Variants in EDC3 observed in about 807,000 individuals in gnomAD.
The protein encoded by EDC3 is enhancer of mRNA decapping 3, also known as enhancer of mRNA-decapping protein 3.
Under a neutral mutation model 41.8 loss-of-function variants are expected in EDC3, and 20 were observed. That is an observed-to-expected ratio of 0.48 (90% confidence interval 0.34 to 0.70). The LOEUF is 0.70. EDC3 is among the 30% of genes least tolerant of loss of function. EDC3 has a pLI of 0.01. For missense variants in EDC3, 444 were observed against 636.8 expected (o/e 0.70, Z 3.26); for synonymous variants, 206 against 243.2 (o/e 0.85, Z 1.42).
chr15:74,660,027 G>A (rs547076804), intron 3 of EDC3, among the ~76,000 whole-genome samples: 1 of 151,456 alleles, frequency 6.6e-6, no homozygotes, highest in South Asian at 2.1e-4. Context: ...CCTGGTGACA[G>A]AGCGAGACTC....
intron 3 of EDC3, among the ~76,000 whole-genome samples, chr15:74,664,078 A>G (rs2141633621): frequency 6.6e-6 from 1 of 152,368 alleles, no homozygotes. Flanking sequence ...TGTTCTAAAC[A>G]CTGTCAGGAA....
Position 74,632,982 on chromosome 15 carries a change from T to C in EDC3, c.1193-36A>G, listed in dbSNP as rs755823033. 1.9e-6 allele frequency: 3 copies of C among 1,603,446 alleles called. No individual in the cohort carries two copies. The highest frequency in any genetic ancestry group is 3.4e-5 in the Admixed American group (2 of 59,640). ...AAAGAGTGCCATCTGAAAGTCCCTA[T>C]GAGCAGAGAGCAGCCCAGGCTGGGA... On this transcript the variant is annotated intron_variant, in intron 6 of 6. Transcript: ENST00000315127. The surrounding 1 kb of genome is among the most constrained non-coding windows in gnomAD (Gnocchi z 4.0).
At chr15:74,647,233 C>T (rs963914256) in intron 4 of EDC3, among the ~76,000 whole-genome samples, 5 of 152,138 alleles carry the variant, frequency 3.3e-5, no homozygotes, top group Admixed American at 1.3e-4. Flanking sequence ...TGGTCTCAAA[C>T]TCCTGACCTC....
intron 1 of EDC3, among the ~76,000 whole-genome samples, chr15:74,683,534 A>G (rs1567180956): frequency 6.6e-6 from 1 of 151,140 alleles, no homozygotes; most frequent in African/African-American, 2.4e-5. Flanking sequence ...GAGTAGCAAC[A>G]TGGGGGACTC....
chr15:74,640,572 G>A lies in EDC3; in HGVS notation c.868C>T (p.Leu290=). 3 of 1,614,206 alleles carry A rather than the reference G, an allele frequency of 1.9e-6. No individual in the cohort carries two copies. Among genetic ancestry groups the A allele is most frequent in the Non-Finnish European group, 2.5e-6 (3 of 1,180,040 alleles). Reference sequence around the variant, plus strand: ...CCATGCTTCTCAGCCACGGACAACAGCTTTTTATGCAGCTCATAGGAAATA... The same window carrying A: ...CCATGCTTCTCAGCCACGGACAACAACTTTTTATGCAGCTCATAGGAAATA... ...PSISYELHKK[L]LSVAEKHGLT... The change falls in exon 5 of 7, where the codon CTG becomes TTG. Residue 290 remains leucine, a synonymous_variant. Coordinates refer to ENST00000315127, the MANE Select transcript of EDC3 (RefSeq NM_025083.5).
rs1024562169 is a variant in EDC3, at chr15:74,682,840, T to A, written c.-18-7698A>T. Reference sequence around the variant, plus strand: ...GAGTTCGAGACCAGCCTGACCAGCATGGAGAAATCCTGTCTCTACTAAAAA... The same window carrying A: ...GAGTTCGAGACCAGCCTGACCAGCAAGGAGAAATCCTGTCTCTACTAAAAA... On this transcript the variant is annotated intron_variant, in intron 1 of 6. Coordinates refer to ENST00000315127, the MANE Select transcript of EDC3 (RefSeq NM_025083.5). 3.3e-5 allele frequency among the ~76,000 whole-genome samples: 5 copies of A among 151,462 alleles called. No homozygotes were observed. In the South Asian group the frequency reaches 1.0e-3, roughly 32 times the overall value.
intron 4 of EDC3, among the ~76,000 whole-genome samples, chr15:74,646,064 G>GT (rs11359170): frequency 0.013 from 1,719 of 127,496 alleles, 30 homozygotes; most frequent in South Asian, 0.082. Flanking sequence ...TTGTTGTTTT[G>GT]TTTTTTTTTT....
At chr15:74,690,517 T>C (rs1265367519) in intron 1 of EDC3, among the ~76,000 whole-genome samples, 2 of 152,220 alleles carry the variant, frequency 1.3e-5, no homozygotes, top group South Asian at 2.1e-4. Context: ...AAACAACCCT[T>C]GGCCTGCTAA....
intron 1 of EDC3, among the ~76,000 whole-genome samples, chr15:74,675,899 T>A (rs11636736): frequency 0.048 from 7,235 of 151,080 alleles, 297 homozygotes; most frequent in African/African-American, 0.11. Context: ...AAAAAAGAAA[T>A]TTTTTTAAAG....
intron 5 of EDC3, 199 bp from the exon 6 acceptor site, chr15:74,635,825 T>A: frequency 1.7e-6 from 1 of 593,020 alleles, no homozygotes; most frequent in Non-Finnish European, 3.0e-6. Flanking sequence ...AACCCCAACC[T>A]CACATCATTG....
chr15:74,673,022 G>C (rs111574126), intron 2 of EDC3, among the ~76,000 whole-genome samples: 383 of 152,082 alleles, frequency 2.5e-3, no homozygotes, highest in South Asian at 7.5e-3. Context: ...CAGAGACTGA[G>C]GAAATGTAGA....
intron 2 of EDC3, among the ~76,000 whole-genome samples, chr15:74,673,876 C>CT (rs2062770935): frequency 7.0e-6 from 1 of 143,306 alleles, no homozygotes; most frequent in East Asian, 2.0e-4. Flanking sequence ...GTCTCATTAA[C>CT]ATATAGAGTA....
Position 74,632,512 on chromosome 15 carries a change from G to A in EDC3, c.*100C>T, listed in dbSNP as rs1193615735. The stretch of plus-strand genomic sequence containing the variant: ...TCTCACAGAAGAAACAAACCCAAAA[G>A]AGAAAAAACTTTAACAAGGTCCATG... On this transcript the variant is annotated 3_prime_UTR_variant, in exon 7 of 7. Transcript: ENST00000315127. The surrounding 1 kb of genome is among the most constrained non-coding windows in gnomAD (Gnocchi z 4.0). The A allele has an allele frequency of 7.3e-6, 10 of 1,374,128 alleles. No homozygotes were observed. Among genetic ancestry groups the A allele is most frequent in the Non-Finnish European group, 6.9e-6 (7 of 1,009,732 alleles). The allele number at this position is 1,374,128 out of a possible 1,614,324, so 85.1% of individuals were successfully genotyped here. A position where few individuals can be genotyped will look rare whatever the true frequency, so the allele number is the denominator to read the frequency against.
chr15:74,640,086 T>G (rs551086867), intron 5 of EDC3: 3 of 196,880 alleles, frequency 1.5e-5, no homozygotes, highest in African/African-American at 7.1e-5. Flanking sequence ...GTCAGTGTGG[T>G]TCTGGAAGCT....
intron 6 of EDC3, among the ~76,000 whole-genome samples, chr15:74,633,881 G>C (rs1365921601): frequency 7.9e-5 from 12 of 152,140 alleles, no homozygotes; most frequent in Admixed American, 7.9e-4. Context: ...TGCTTAGAAT[G>C]TGCCACCGGG....
chr15:74,652,613 A>G (rs1424386708), intron 4 of EDC3, among the ~76,000 whole-genome samples: 20 of 138,928 alleles, frequency 1.4e-4, no homozygotes, highest in South Asian at 2.3e-4. Context: ...ACAGGGTCTG[A>G]CTCTGTCACC....
At chr15:74,642,243 A>G (rs2062361621) in intron 4 of EDC3, 1 of 152,156 alleles carries the variant, frequency 6.6e-6, no homozygotes, top group African/African-American at 2.4e-5. Context: ...AAACACTAAC[A>G]CTATCCTGTT....
At chr15:74,640,032 G>A (rs963618944) in intron 5 of EDC3, 1 of 169,634 alleles carries the variant, frequency 5.9e-6, no homozygotes, top group Non-Finnish European at 1.2e-5. Context: ...ATGAGCATAA[G>A]GGGCAGGTGG....
chr15:74,694,158 CTTCCAT>C (rs1452375468), intron 1 of EDC3, among the ~76,000 whole-genome samples: 1 of 152,132 alleles, frequency 6.6e-6, no homozygotes, highest in Non-Finnish European at 1.5e-5. Flanking sequence ...AATGATACAT[CTTCCAT>C]TTTGTATTAA....
Sources: gnomAD v4.1 joint callset for allele counts (sites outside exome capture counted in the v4.1 genomes callset) on GRCh38, gnomAD v4.1.1 for gene constraint, Gnocchi (gnomAD v3.1) non-coding constraint, MANE v1.5 for transcripts, NCBI Gene and HGNC (gene_info 2026-07-23, HGNC 2026-07-21) for gene names.